PARVA: variants seen among roughly 807,000 people sequenced by gnomAD.
The protein encoded by PARVA is alpha-parvin.
A neutral mutation model predicts 52.6 loss-of-function variants in PARVA; 25 were observed. That is an observed-to-expected ratio of 0.48 (90% confidence interval 0.35 to 0.66). The LOEUF (loss-of-function observed/expected upper bound fraction) is 0.66, where lower values mean the gene tolerates loss of function less well. PARVA is among the 30% of genes least tolerant of loss of function. PARVA has a pLI of 0.01. For missense variants in PARVA, 373 were observed against 450.9 expected, an observed-to-expected ratio of 0.83 and a Z score of 1.56; for synonymous variants, 185 against 179.1, an observed-to-expected ratio of 1.03 and a Z score of -0.26.
rs1201752282 is a variant in PARVA, at chr11:12,533,143, A to AC, written c.*5223dup. Among the ~76,000 whole-genome samples, 10 of 152,078 alleles carry AC rather than the reference A, an allele frequency of 6.6e-5. No individual in the cohort carries two copies. Among genetic ancestry groups the AC allele is most frequent in the African/African-American group, 2.4e-4 (10 of 41,424 alleles). The stretch of plus-strand genomic sequence containing the variant: ...GCTGATGGACAGGAACTCCTGGACT[A>AC]CCCCCAGCCTCTCCACAATGTGTCC... On this transcript the variant is annotated 3_prime_UTR_variant, in exon 13 of 13. Transcript: ENST00000334956.
At chr11:12,386,467 G>A (rs568101578) in intron 1 of PARVA, among the ~76,000 whole-genome samples, 3 of 152,206 alleles carry the variant, frequency 2.0e-5, no homozygotes, top group Non-Finnish European at 4.4e-5. Flanking sequence ...CACAGGAAGA[G>A]TGAGATGCTT....
chr11:12,399,509 G>A (rs541795228), intron 1 of PARVA, among the ~76,000 whole-genome samples: 2 of 152,314 alleles, frequency 1.3e-5, no homozygotes, highest in East Asian at 3.9e-4. Flanking sequence ...ATATCAAATT[G>A]CTAAATATTT....
chr11:12,487,449 T>A (rs551676069), intron 4 of PARVA, among the ~76,000 whole-genome samples: 3 of 152,316 alleles, frequency 2.0e-5, no homozygotes, highest in African/African-American at 7.2e-5. Flanking sequence ...CAGCAACCAA[T>A]AGCCATATGC....
intron 1 of PARVA, among the ~76,000 whole-genome samples, chr11:12,413,009 GT>G (rs1940012676): frequency 6.6e-6 from 1 of 152,132 alleles, no homozygotes; most frequent in African/African-American, 2.4e-5. Context: ...CCACTGTTTT[GT>G]TTTTTTGTTG....
chr11:12,436,821 T>C (rs1212252115), intron 1 of PARVA, among the ~76,000 whole-genome samples: 1 of 152,132 alleles, frequency 6.6e-6, no homozygotes, highest in African/African-American at 2.4e-5. Flanking sequence ...GAAAAAATGA[T>C]TAAAGGTACT....
At chr11:12,396,026 G>A (rs966807668) in intron 1 of PARVA, among the ~76,000 whole-genome samples, 30 of 152,074 alleles carry the variant, frequency 2.0e-4, no homozygotes, top group Non-Finnish European at 7.4e-5. Flanking sequence ...ATTTGTATAC[G>A]TATCCAACAT....
At chr11:12,393,220 G>T (rs924545737) in intron 1 of PARVA, among the ~76,000 whole-genome samples, 1 of 152,080 alleles carries the variant, frequency 6.6e-6, no homozygotes, top group African/African-American at 2.4e-5. Flanking sequence ...TACAAAGTGC[G>T]ATTATGGGCC....
intron 1 of PARVA, among the ~76,000 whole-genome samples, chr11:12,434,469 A>G (rs1431886912): frequency 6.6e-6 from 1 of 152,052 alleles, no homozygotes; most frequent in African/African-American, 2.4e-5. Context: ...CTCCCTCCTG[A>G]CCTGTCTCCC....
In PARVA at chr11:12,460,916, C is replaced by T. The variant is rs144025249; in HGVS notation, c.137-12829C>T. Reference sequence around the variant, plus strand: ...CTGCTGACAGCCTGTGGCTCCAAAACGCTCATCTATTGCTGCCTCAACCCT... The same window carrying T: ...CTGCTGACAGCCTGTGGCTCCAAAATGCTCATCTATTGCTGCCTCAACCCT... On this transcript the variant is annotated intron_variant, in intron 1 of 12. Transcript: ENST00000334956. 1.8e-3 allele frequency among the ~76,000 whole-genome samples: 275 copies of T among 152,270 alleles called. 1 individual carries two copies. Among genetic ancestry groups the T allele is most frequent in the African/African-American group, 5.9e-3 (245 of 41,550 alleles).
intron 1 of PARVA, among the ~76,000 whole-genome samples, chr11:12,404,759 G>A (rs72859092): frequency 0.083 from 12,684 of 152,224 alleles, 606 homozygotes; most frequent in African/African-American, 0.14. Context: ...TTGGACATGT[G>A]GCATAGCCCA....
chr11:12,405,759 C>A (rs1331852698), intron 1 of PARVA, among the ~76,000 whole-genome samples: 1 of 152,082 alleles, frequency 6.6e-6, no homozygotes, highest in Non-Finnish European at 1.5e-5. Flanking sequence ...GAATTTGAGA[C>A]CAGCCTGGCC....
At chr11:12,483,782 G>A (rs1428905413) in intron 4 of PARVA, among the ~76,000 whole-genome samples, 1 of 152,110 alleles carries the variant, frequency 6.6e-6, no homozygotes, top group Non-Finnish European at 1.5e-5. Context: ...TGTTGATGTT[G>A]CTGCCAATAA....
At position 12,504,335 on chromosome 11, in the gene PARVA, T is replaced by TG. The variant is rs1343650638; in HGVS notation, c.565dup (p.Ala189GlyfsTer49). The TG allele has an allele frequency of 3.7e-6, 6 of 1,611,508 alleles. No homozygotes were observed. Among genetic ancestry groups the TG allele is most frequent in the Non-Finnish European group, 5.1e-6 (6 of 1,177,682 alleles). On this transcript the variant is annotated frameshift_variant, in exon 6 of 13. Coordinates refer to ENST00000334956, the MANE Select transcript of PARVA (RefSeq NM_018222.5). LOFTEE classifies it high-confidence loss of function. ...TCAGCTGTTCATGCCAAGAGCCTGG[T>TG]GGCCATCTTACACCTGCTCGTTGCT...
intron 10 of PARVA, among the ~76,000 whole-genome samples, chr11:12,514,328 C>G (rs1013619382): frequency 7.2e-5 from 11 of 152,258 alleles, no homozygotes; most frequent in Non-Finnish European, 1.6e-4. Flanking sequence ...CTCTCTTTCT[C>G]TGCACCCCTA....
intron 1 of PARVA, among the ~76,000 whole-genome samples, chr11:12,448,257 C>T (rs1054633545): frequency 6.6e-6 from 1 of 152,138 alleles, no homozygotes; most frequent in African/African-American, 2.4e-5. Context: ...GCTAGGATTG[C>T]ACTAGGATTG....
chr11:12,400,588 T>C (rs149496298), intron 1 of PARVA, among the ~76,000 whole-genome samples: 3 of 152,214 alleles, frequency 2.0e-5, no homozygotes, highest in African/African-American at 4.8e-5. Context: ...ATACTATGTA[T>C]TGATAATGTA....
At chr11:12,377,384 T>C (rs539049682), upstream of PARVA, 39 of 1,355,596 alleles carry the variant, frequency 2.9e-5, no homozygotes, top group African/African-American at 5.7e-4. Context: ...AGGGGCAGTT[T>C]TGGGGCATCC....
At chr11:12,391,554 G>A (rs950132412) in intron 1 of PARVA, among the ~76,000 whole-genome samples, 6 of 152,224 alleles carry the variant, frequency 3.9e-5, no homozygotes, top group Non-Finnish European at 5.9e-5. Flanking sequence ...TGTTTGTGCA[G>A]GTTGGTATCA....
chr11:12,448,646 T>C (rs1940580094), intron 1 of PARVA, among the ~76,000 whole-genome samples: 2 of 152,190 alleles, frequency 1.3e-5, no homozygotes, highest in South Asian at 4.1e-4. Context: ...AGTGATGCTG[T>C]TGAGCCCGAG....
Sources: gnomAD v4.1 joint callset for allele counts (sites outside exome capture counted in the v4.1 genomes callset) on GRCh38, gnomAD v4.1.1 for gene constraint, MANE v1.5 for transcripts, NCBI Gene and HGNC (gene_info 2026-07-23, HGNC 2026-07-21) for gene names.